Variants in ZNF106 observed in about 807,000 individuals in gnomAD.
ZNF106 encodes the protein zinc finger protein 106.
A neutral mutation model predicts 195.1 loss-of-function variants in ZNF106; 67 were observed. The observed-to-expected ratio is 0.34, with a 90% CI of 0.28 to 0.42. The LOEUF is 0.42. ZNF106 is among the 10% of genes least tolerant of loss of function. The pLI, the probability that ZNF106 is intolerant of heterozygous loss-of-function variation, is 1.00. For synonymous variants in ZNF106, 784 were observed against 818.6 expected (o/e 0.96, Z 0.72); for missense variants, 2,118 against 2,304.5 (o/e 0.92, Z 1.66).
At chr15:42,417,454 C>T (rs1329330516) in intron 21 of ZNF106, 94 bp from the exon 22 acceptor site, 2 of 1,467,910 alleles carry the variant, frequency 1.4e-6, no homozygotes, top group Non-Finnish European at 1.9e-6. Context: ...TCCATTCCAC[C>T]TAGGATCCAG....
At chr15:42,443,830 G>A (rs1172938164) in intron 9 of ZNF106, among the ~76,000 whole-genome samples, 1 of 152,044 alleles carries the variant, frequency 6.6e-6, no homozygotes, top group Non-Finnish European at 1.5e-5. Context: ...AAAAAGGCCT[G>A]GTGCAGTGGC....
chr15:42,462,432 T>C (rs1366667030), intron 3 of ZNF106, among the ~76,000 whole-genome samples: 1 of 152,084 alleles, frequency 6.6e-6, no homozygotes. Flanking sequence ...ACCCAGTTTC[T>C]ACTAAAAAGA....
At position 42,466,094 on chromosome 15, in the gene ZNF106, C is replaced by A; in HGVS notation, c.75G>T (p.Arg25=). The change falls in exon 3 of 22, where the codon CGG becomes CGT. Residue 25 remains arginine (R), a synonymous_variant. Coordinates refer to ENST00000564754, the MANE Select transcript of ZNF106 (RefSeq NM_001366845.3). ...CAAGTTCCCTGTGATGCAACATGCT[C>A]CGCATGTGTTCGTCCATCTCCTTCA... ...SSKKEMDEHM[R]SMLHHRELEN... The A allele has an allele frequency of 6.5e-7, 1 of 1,534,210 alleles. No individual in the cohort carries two copies. Among genetic ancestry groups the A allele is most frequent in the Non-Finnish European group, 8.7e-7 (1 of 1,146,050 alleles).
At chr15:42,482,943 T>A (rs939356323) in intron 1 of ZNF106, among the ~76,000 whole-genome samples, 1 of 152,162 alleles carries the variant, frequency 6.6e-6, no homozygotes, top group Non-Finnish European at 1.5e-5. Flanking sequence ...CTGATGCTTC[T>A]CCTCTCTCTC....
chr15:42,480,796 C>G (rs974826159), intron 1 of ZNF106, among the ~76,000 whole-genome samples: 10 of 152,048 alleles, frequency 6.6e-5, no homozygotes, highest in African/African-American at 2.4e-4. Context: ...ACCAGCCTGG[C>G]CAACAAGGTG....
intron 4 of ZNF106, among the ~76,000 whole-genome samples, chr15:42,453,658 C>T (rs1010480580): frequency 4.0e-5 from 6 of 151,290 alleles, no homozygotes; most frequent in African/African-American, 1.2e-4. Flanking sequence ...TGCAATGGCA[C>T]GATCTTGGCT....
Position 42,428,096 on chromosome 15 carries a change from C to G in ZNF106, c.4920G>C (p.Arg1640=). ...GCCATCTACTGTGGAGGCAGAGGACCCGGTCTTCCAGCTGTAACTGCTCCA... is the reference window on the plus strand; with the variant it reads ...GCCATCTACTGTGGAGGCAGAGGACGCGGTCTTCCAGCTGTAACTGCTCCA... ...ECVEQLQLED[R]VLCLHSRWRI... is the part of the protein sequence containing the mutation. The change falls in exon 15 of 22, where the codon CGG becomes CGC. Residue 1640 remains arginine, a synonymous_variant. Coordinates refer to ENST00000564754, the MANE Select transcript of ZNF106 (RefSeq NM_001366845.3). 1 of 1,614,094 alleles carries G rather than the reference C, an allele frequency of 6.2e-7. No individual in the cohort carries two copies. Among genetic ancestry groups the G allele is most frequent in the Non-Finnish European group, 8.5e-7 (1 of 1,180,004 alleles).
At chr15:42,418,422 G>A (rs993089131) in intron 20 of ZNF106, among the ~76,000 whole-genome samples, 3 of 144,934 alleles carry the variant, frequency 2.1e-5, no homozygotes, top group Non-Finnish European at 4.5e-5. Context: ...GCAGTGGCAC[G>A]ATCTCGGCTC....
intron 3 of ZNF106, among the ~76,000 whole-genome samples, chr15:42,460,852 C>T (rs1005622419): frequency 7.3e-6 from 1 of 137,678 alleles, no homozygotes; most frequent in African/African-American, 3.1e-5. Flanking sequence ...AAGAGCAAAA[C>T]TCCGTCTCAA....
intron 20 of ZNF106, among the ~76,000 whole-genome samples, chr15:42,420,602 A>T (rs1462122709): frequency 9.2e-5 from 14 of 152,178 alleles, no homozygotes; most frequent in Admixed American, 9.2e-4. Flanking sequence ...AAAAAAATTA[A>T]GGCTTATAAG....
chr15:42,423,301 T>C (rs1462338254), intron 17 of ZNF106, among the ~76,000 whole-genome samples: 1 of 151,508 alleles, frequency 6.6e-6, no homozygotes. Context: ...GCCTAGGAGG[T>C]TGAGGCTGCA....
chr15:42,448,709 A>T lies in ZNF106; in HGVS notation c.2502-4T>A, dbSNP rs1383323915. The T allele has an allele frequency of 6.4e-7, 1 of 1,574,536 alleles. No individual in the cohort carries two copies. The highest frequency in any genetic ancestry group is 1.2e-5 in the South Asian group (1 of 86,768). ...GGGTACCATTTCTATGCCAAACCTT[A>T]AGGAAGAAAGAAAAAATGAAAACAT... On this transcript the variant is annotated splice_polypyrimidine_tract_variant and splice_region_variant and intron_variant, in intron 5 of 21. Coordinates refer to ENST00000564754, the MANE Select transcript of ZNF106 (RefSeq NM_001366845.3).
intron 20 of ZNF106, among the ~76,000 whole-genome samples, chr15:42,420,749 A>G (rs2054624570): frequency 6.6e-6 from 1 of 152,234 alleles, no homozygotes; most frequent in South Asian, 2.1e-4. Context: ...TCAAAAACCA[A>G]TGAGGACACA....
Position 42,451,535 on chromosome 15 carries a change from C to G in ZNF106, c.737G>C (p.Gly246Ala). 1 of 1,614,200 alleles carries G rather than the reference C, an allele frequency of 6.2e-7. No homozygotes were observed. The highest frequency in any genetic ancestry group is 8.5e-7 in the Non-Finnish European group (1 of 1,180,032). ...FSSWHMNNSN[G>A]NWKSSVRSTN... is the part of the protein sequence containing the mutation. ...ACTACGTACACTGGATTTCCAGTTT[C>G]CGTTACTGTTGTTCATATGCCAACT... Residue 246 changes from glycine to alanine, a missense_variant, in exon 5 of 22, where the codon GGA becomes GCA. Gly to Ala is a moderately conservative substitution (Grantham distance 60, BLOSUM62 0). Coordinates refer to ENST00000564754, the MANE Select transcript of ZNF106 (RefSeq NM_001366845.3).
chr15:42,446,930 G>C (rs1655146061), intron 6 of ZNF106, among the ~76,000 whole-genome samples: 1 of 152,160 alleles, frequency 6.6e-6, no homozygotes, highest in African/African-American at 2.4e-5. Context: ...ATTTCATCTT[G>C]GTGTAGTAAG....
At chr15:42,424,641 G>A (rs1202788995) in intron 16 of ZNF106, 193 bp downstream of exon 16, 11 of 548,566 alleles carry the variant, frequency 2.0e-5, no homozygotes, top group South Asian at 4.7e-5. Context: ...ACAACATCCC[G>A]CTAATTTTTG....
chr15:42,420,862 C>T (rs748467319), intron 20 of ZNF106, among the ~76,000 whole-genome samples, 199 bp downstream of exon 20: 2 of 152,124 alleles, frequency 1.3e-5, no homozygotes, highest in Non-Finnish European at 2.9e-5. Flanking sequence ...TATTTCTGTA[C>T]TGTTGTTTTC....
chr15:42,439,062 G>A lies in ZNF106; in HGVS notation c.4515C>T (p.Gly1505=), dbSNP rs2055395354. The change falls in exon 11 of 22, where the codon GGC becomes GGT. Residue 1505 remains glycine, a synonymous_variant. Coordinates refer to ENST00000564754, the MANE Select transcript of ZNF106 (RefSeq NM_001366845.3). ...CDEVSSTSEI[G]TRYKDGIPVS... is the part of the protein sequence containing the mutation. ...CAGGGATGCCATCTTTATAGCGAGT[G>A]CCAATTTCACTGGTAGAGCTAACTT... The A allele has an allele frequency of 3.7e-6, 6 of 1,613,846 alleles. No homozygotes were observed. The highest frequency in any genetic ancestry group is 3.4e-6 in the Non-Finnish European group (4 of 1,179,880).
chr15:42,440,534 T>C (rs2055458340), intron 10 of ZNF106, among the ~76,000 whole-genome samples: 1 of 152,150 alleles, frequency 6.6e-6, no homozygotes, highest in Non-Finnish European at 1.5e-5. Context: ...ATATGACTGC[T>C]CCTTTGTACA....
Sources: allele counts gnomAD v4.1 joint callset (sites outside exome capture counted in the v4.1 genomes callset), GRCh38; gene constraint gnomAD v4.1.1; transcripts MANE v1.5; gene names NCBI Gene and HGNC (gene_info 2026-07-23, HGNC 2026-07-21).